TMEM245: variants seen among roughly 807,000 people sequenced by gnomAD.
The protein encoded by TMEM245 is transmembrane protein 245.
TMEM245 carries 69 observed loss-of-function variants against 101.2 expected under a neutral mutation model. The observed-to-expected ratio is 0.68, with a 90% CI of 0.56 to 0.83. The LOEUF is 0.83. Ranked by LOEUF, TMEM245 falls within the 40% of genes least tolerant of loss-of-function variation. The pLI, the probability that TMEM245 is intolerant of heterozygous loss-of-function variation, is 0.00. For synonymous variants in TMEM245, 537 were observed against 449.8 expected (o/e 1.19, Z -2.45); for missense variants, 1,075 against 1,092.8 (o/e 0.98, Z 0.23).
In TMEM245 at chr9:109,036,395, A is replaced by G; in HGVS notation, c.2225-15T>C. ...TGCTGCTAATGCTGAAAAAAGAGTA[A>G]AAGAAAAACAACTTAACATCATCAG... is the stretch of plus-strand genomic sequence containing the variant. On this transcript the variant is annotated splice_polypyrimidine_tract_variant and intron_variant, in intron 15 of 17. Transcript: ENST00000374586. 6 of 1,565,444 alleles carry G rather than the reference A, an allele frequency of 3.8e-6. 1 individual carries two copies. In the South Asian group the frequency reaches 7.2e-5, roughly 19 times the overall value.
At chr9:109,088,620 C>T (rs1048035094) in intron 5 of TMEM245, among the ~76,000 whole-genome samples, 10 of 151,680 alleles carry the variant, frequency 6.6e-5, no homozygotes, top group African/African-American at 2.2e-4. Context: ...GAGATCGAGA[C>T]CATCCTGGCT....
At chr9:109,066,840 G>T (rs909762558) in intron 9 of TMEM245, among the ~76,000 whole-genome samples, 2 of 152,006 alleles carry the variant, frequency 1.3e-5, no homozygotes, top group Non-Finnish European at 2.9e-5. Flanking sequence ...TGGATCACCT[G>T]AGGTCAGTAG....
At chr9:109,080,754 A>G in intron 8 of TMEM245, 85 bp downstream of exon 8, 1 of 810,134 alleles carries the variant, frequency 1.2e-6, no homozygotes, top group Non-Finnish European at 2.0e-6. Flanking sequence ...AACATTTTCC[A>G]TGCCCCTTCT....
chr9:109,036,005 AAAAC>A, intron 16 of TMEM245, 197 bp downstream of exon 16: 1 of 250,308 alleles, frequency 4.0e-6, no homozygotes, highest in Non-Finnish European at 7.4e-6. Context: ...AAAAAAAAAA[AAAAC>A]CCCAAAATAT....
At chr9:109,117,109 T>C (rs923192322) in intron 1 of TMEM245, among the ~76,000 whole-genome samples, 1 of 151,862 alleles carries the variant, frequency 6.6e-6, no homozygotes, top group Non-Finnish European at 1.5e-5. Context: ...AATTTCAAGG[T>C]TTTTTTGGTT....
At chr9:109,027,253 A>G (rs533290999) in intron 17 of TMEM245, among the ~76,000 whole-genome samples, 14 of 152,060 alleles carry the variant, frequency 9.2e-5, no homozygotes, top group Admixed American at 5.9e-4. Flanking sequence ...GAGCAGTAAG[A>G]CAACACCCTC....
chr9:109,032,359 CTTTTCCTT>C (rs1191840425), intron 17 of TMEM245, among the ~76,000 whole-genome samples: 25 of 54,708 alleles, frequency 4.6e-4, no homozygotes, highest in African/African-American at 1.5e-3. Flanking sequence ...TGTCCTATTT[CTTTTCCTT>C]TTTTTTTTTT....
At chr9:109,038,874 CTA>C (rs1484264570) in intron 14 of TMEM245, 1 of 152,140 alleles carries the variant, frequency 6.6e-6, no homozygotes, top group East Asian at 1.9e-4. Flanking sequence ...CAGTGCAGCA[CTA>C]TAAGGAGGGG....
In TMEM245 at chr9:109,041,453, A is replaced by ATTTTTT. The variant is rs1193341550; in HGVS notation, c.2124-3342_2124-3337dup. Among the ~76,000 whole-genome samples, 338 of 83,246 alleles carry ATTTTTT rather than the reference A, an allele frequency of 4.1e-3. 15 individuals carry two copies. Among genetic ancestry groups the ATTTTTT allele is most frequent in the African/African-American group, 0.016 (325 of 19,980 alleles). The allele number at this position is 83,246 out of a possible 152,430, so 54.6% of individuals were successfully genotyped here. On this transcript the variant is annotated intron_variant, in intron 14 of 17. Coordinates refer to ENST00000374586, the MANE Select transcript of TMEM245 (RefSeq NM_032012.4). Reference sequence around the variant, plus strand: ...GTAGGATGTGGTTGCCATCCTACAAATTTTTTTTTTTTTTTTTTTTTTTTT... The same window carrying ATTTTTT: ...GTAGGATGTGGTTGCCATCCTACAAATTTTTTTTTTTTTTTTTTTTTTTTTTTTTTT...
chr9:109,064,462 A>G lies in TMEM245; in HGVS notation c.1623+15T>C. 8 of 1,600,028 alleles carry G rather than the reference A, an allele frequency of 5.0e-6. No homozygotes were observed. Among genetic ancestry groups the G allele is most frequent in the Non-Finnish European group, 6.8e-6 (8 of 1,174,248 alleles). The stretch of plus-strand genomic sequence containing the variant: ...CCTGAAAAGAGAAAGCCACAAAGAA[A>G]GTTTCTTCCCTTACCTTGTGAGTTA... On this transcript the variant is annotated intron_variant, in intron 10 of 17. Transcript: ENST00000374586.
At chr9:109,046,190 CAGCA>C in intron 14 of TMEM245, 1 of 530,656 alleles carries the variant, frequency 1.9e-6, no homozygotes, top group Non-Finnish European at 3.9e-6. Flanking sequence ...GCTGTAATCC[CAGCA>C]AGCAAGAGCC....
At chr9:109,030,888 C>T (rs558098422) in intron 17 of TMEM245, among the ~76,000 whole-genome samples, 1 of 152,198 alleles carries the variant, frequency 6.6e-6, no homozygotes, top group South Asian at 2.1e-4. Flanking sequence ...ACACTAAAAA[C>T]AAAATTAAGC....
At chr9:109,030,674 T>C (rs1032080681) in intron 17 of TMEM245, among the ~76,000 whole-genome samples, 1 of 152,182 alleles carries the variant, frequency 6.6e-6, no homozygotes, top group African/African-American at 2.4e-5. Context: ...AAGGATATCA[T>C]AGTGTCACCA....
chr9:109,035,868 C>A (rs1828102492), intron 16 of TMEM245, among the ~76,000 whole-genome samples: 1 of 142,136 alleles, frequency 7.0e-6, no homozygotes, highest in African/African-American at 2.6e-5. Flanking sequence ...CCTAGGAGTT[C>A]AAGGTTCAAG....
Position 109,019,851 on chromosome 9 carries a change from GT to G in TMEM245, c.*608del, listed in dbSNP as rs1827566551. ...AAGAGGAGGAAGAGCTTCAGTCTTT[GT>G]ATCTCCCAGGGTTATAATATAAAAC... On this transcript the variant is annotated 3_prime_UTR_variant, in exon 18 of 18. Coordinates refer to ENST00000374586, the MANE Select transcript of TMEM245 (RefSeq NM_032012.4). 6.6e-6 allele frequency: 1 copy of G among 152,276 alleles called. No homozygotes were observed. The highest frequency in any genetic ancestry group is 1.5e-5 in the Non-Finnish European group (1 of 68,048). 9.4% of individuals were successfully genotyped at this position (152,276 alleles called of 1,614,324 possible).
Position 109,091,957 on chromosome 9 carries a change from G to A in TMEM245, c.917-802C>T, listed in dbSNP as rs139391935. On this transcript the variant is annotated intron_variant, in intron 4 of 17. Coordinates refer to ENST00000374586, the MANE Select transcript of TMEM245 (RefSeq NM_032012.4). ...TTAGAAAAAAATGTTAATTACAAAA[G>A]TATGTCACGTTGAATGTGTGGATTG... is the stretch of plus-strand genomic sequence containing the variant. Among the ~76,000 whole-genome samples the A allele has an allele frequency of 3.4e-3, 520 of 152,184 alleles. 6 individuals are homozygous for A. The highest frequency in any genetic ancestry group is 0.011 in the African/African-American group (462 of 41,532).
chr9:109,113,201 C>G (rs1001872257), intron 1 of TMEM245, among the ~76,000 whole-genome samples: 4 of 152,216 alleles, frequency 2.6e-5, no homozygotes, highest in Non-Finnish European at 5.9e-5. Flanking sequence ...TTTTGAATCA[C>G]TAAATATCCT....
At chr9:109,023,458 A>G (rs1331070103) in intron 17 of TMEM245, among the ~76,000 whole-genome samples, 3 of 152,210 alleles carry the variant, frequency 2.0e-5, no homozygotes, top group Non-Finnish European at 2.9e-5. Flanking sequence ...ATCCTACTTA[A>G]ACCATCTAAA....
In TMEM245 at chr9:109,119,438, A is replaced by G. The variant is rs1000517236; in HGVS notation, c.476T>C (p.Leu159Pro). 11 of 1,510,400 alleles carry G rather than the reference A, an allele frequency of 7.3e-6. No individual in the cohort carries two copies. Among genetic ancestry groups the G allele is most frequent in the Admixed American group, 6.5e-5 (3 of 46,332 alleles). 93.6% of individuals were successfully genotyped at this position (1,510,400 alleles called of 1,614,324 possible). A position where few individuals can be genotyped will look rare whatever the true frequency, so the allele number is the denominator to read the frequency against. The change falls in exon 1 of 18, where the codon CTG becomes CCG. Residue 159 changes from leucine (L) to proline (P), a missense_variant. By Grantham distance (98) the Leu-to-Pro change is moderately conservative. Coordinates refer to ENST00000374586, the MANE Select transcript of TMEM245 (RefSeq NM_032012.4). ...GCTGCCGAGGCAGTAGAGGCCGTACAGGAGCGGGCCGCCGGCGCCGAGCAG... is the reference window on the plus strand; with the variant it reads ...GCTGCCGAGGCAGTAGAGGCCGTACGGGAGCGGGCCGCCGGCGCCGAGCAG... Reference protein sequence around the residue: ...LLLLGAGGPLLYGLYCLGSYL... With the variant: ...LLLLGAGGPLPYGLYCLGSYL...
Sources: gnomAD v4.1 joint callset for allele counts (sites outside exome capture counted in the v4.1 genomes callset) on GRCh38, gnomAD v4.1.1 for gene constraint, MANE v1.5 for transcripts, NCBI Gene and HGNC (gene_info 2026-07-23, HGNC 2026-07-21) for gene names.